Variants in ZNF804A observed in about 807,000 individuals in gnomAD.
The protein encoded by ZNF804A is zinc finger protein 804A.
In ZNF804A, 2 loss-of-function variants were observed where a neutral mutation model predicts 16.5. The ratio of observed to expected loss-of-function variants is 0.12; its 90% CI spans 0.05 to 0.38. The LOEUF (loss-of-function observed/expected upper bound fraction) is 0.38. ZNF804A is among the 10% of genes least tolerant of loss of function. The probability of loss-of-function intolerance (pLI) is 0.99; values close to 1 mark genes in which losing one functional copy is unlikely to be tolerated. For synonymous variants in ZNF804A, 534 were observed against 489.6 expected (o/e 1.09, Z -1.20); for missense variants, 1,473 against 1,390.7 (o/e 1.06, Z -0.94).
At chr2:184,866,658 T>G in intron 2 of ZNF804A, 146 bp downstream of exon 2, 1 of 703,124 alleles carries the variant, frequency 1.4e-6, no homozygotes, top group East Asian at 3.5e-5. Flanking sequence ...GATGATAATT[T>G]GATGACTTAC....
At chr2:184,819,591 G>A (rs542059148) in intron 1 of ZNF804A, among the ~76,000 whole-genome samples, 3 of 151,864 alleles carry the variant, frequency 2.0e-5, no homozygotes, top group African/African-American at 7.2e-5. Flanking sequence ...GGAGGAGATG[G>A]AGACACGAAG....
chr2:184,650,526 C>A (rs1335476199), intron 1 of ZNF804A, among the ~76,000 whole-genome samples: 1 of 152,034 alleles, frequency 6.6e-6, no homozygotes, highest in Non-Finnish European at 1.5e-5. Context: ...AGCTGTCTCA[C>A]TTCACGGATG....
chr2:184,608,075 A>G (rs1037441750), intron 1 of ZNF804A, among the ~76,000 whole-genome samples: 1 of 147,484 alleles, frequency 6.8e-6, no homozygotes, highest in Admixed American at 6.8e-5. Context: ...CCTCCCAAGT[A>G]GCTGGGACTA....
chr2:184,775,522 C>T (rs992764637), intron 1 of ZNF804A, among the ~76,000 whole-genome samples: 13 of 151,632 alleles, frequency 8.6e-5, no homozygotes, highest in East Asian at 3.9e-4. Flanking sequence ...GAGAAAACAG[C>T]GCTATCTTAC....
chr2:184,752,978 G>T (rs1314963598), intron 1 of ZNF804A, among the ~76,000 whole-genome samples: 1 of 151,236 alleles, frequency 6.6e-6, no homozygotes, highest in Non-Finnish European at 1.5e-5. Flanking sequence ...GTGAAAATCG[G>T]GGAAAAGGGT....
chr2:184,646,289 A>G (rs1324561160), intron 1 of ZNF804A, among the ~76,000 whole-genome samples: 1 of 152,188 alleles, frequency 6.6e-6, no homozygotes, highest in African/African-American at 2.4e-5. Flanking sequence ...CTGGGGCAGG[A>G]AGAGTGCTAC....
intron 2 of ZNF804A, among the ~76,000 whole-genome samples, chr2:184,920,649 T>A (rs1478619698): frequency 6.6e-6 from 1 of 152,078 alleles, no homozygotes; most frequent in Non-Finnish European, 1.5e-5. Context: ...CTTAGCAGAA[T>A]GGAGAGAGAG....
intron 1 of ZNF804A, among the ~76,000 whole-genome samples, chr2:184,772,992 G>T (rs200278842): frequency 6.9e-6 from 1 of 144,162 alleles, no homozygotes; most frequent in South Asian, 2.2e-4. Flanking sequence ...TGTGTGTGTG[G>T]GGTGTGTGTG....
chr2:184,634,645 T>G (rs556852994), intron 1 of ZNF804A, among the ~76,000 whole-genome samples: 49 of 152,216 alleles, frequency 3.2e-4, no homozygotes, highest in Middle Eastern at 6.8e-3. Context: ...AACATTGCAG[T>G]TGGCCTCTAG....
At chr2:184,793,712 C>A (rs369346577) in intron 1 of ZNF804A, among the ~76,000 whole-genome samples, 1 of 152,078 alleles carries the variant, frequency 6.6e-6, no homozygotes, top group South Asian at 2.1e-4. Flanking sequence ...TCTCTTCTTC[C>A]TCACCACCTT....
intron 1 of ZNF804A, among the ~76,000 whole-genome samples, chr2:184,800,032 A>G (rs1283446177): frequency 6.6e-6 from 1 of 151,854 alleles, no homozygotes; most frequent in Non-Finnish European, 1.5e-5. Flanking sequence ...TGTGTCTTTC[A>G]AGGTATTGTT....
At chr2:184,739,643 C>T (rs1239238124) in intron 1 of ZNF804A, among the ~76,000 whole-genome samples, 2 of 152,156 alleles carry the variant, frequency 1.3e-5, no homozygotes, top group African/African-American at 4.8e-5. Flanking sequence ...CCTCCAGCCT[C>T]GGCCTCCCAA....
intron 2 of ZNF804A, among the ~76,000 whole-genome samples, chr2:184,910,377 A>G (rs557787382): frequency 5.9e-5 from 9 of 152,066 alleles, no homozygotes; most frequent in Admixed American, 1.3e-4. Context: ...TTCACTGTTG[A>G]TGGACAAATA....
intron 2 of ZNF804A, among the ~76,000 whole-genome samples, chr2:184,884,868 G>A (rs111895921): frequency 6.6e-6 from 1 of 152,086 alleles, no homozygotes; most frequent in African/African-American, 2.4e-5. Flanking sequence ...TTAAATGAAA[G>A]AGCTTTGTAC....
rs1413483927 is a variant in ZNF804A, at chr2:184,937,054, G to T, written c.1658G>T (p.Cys553Phe). ...NTGQRYKNIS[C>F]KIRETEKYNF... Reference sequence around the variant, plus strand: ...GGTCAGAGGTATAAAAACATTTCCTGTAAGATCAGAGAAACAGAAAAGTAT... The same window carrying T: ...GGTCAGAGGTATAAAAACATTTCCTTTAAGATCAGAGAAACAGAAAAGTAT... Residue 553 changes from cysteine to phenylalanine, a missense_variant, in exon 4 of 4, where the codon TGT becomes TTT. Coordinates refer to ENST00000302277, the MANE Select transcript of ZNF804A (RefSeq NM_194250.2). 6.2e-7 allele frequency: 1 copy of T among 1,606,776 alleles called. No homozygotes were observed. Among genetic ancestry groups the T allele is most frequent in the East Asian group, 2.2e-5 (1 of 44,760 alleles).
chr2:184,630,609 A>T (rs181009897), intron 1 of ZNF804A, among the ~76,000 whole-genome samples: 4 of 152,270 alleles, frequency 2.6e-5, no homozygotes, highest in African/African-American at 9.6e-5. Context: ...TAAAATTCTA[A>T]GGGTAAAAAA....
chr2:184,730,737 T>C (rs1441192891), intron 1 of ZNF804A, among the ~76,000 whole-genome samples: 1 of 152,140 alleles, frequency 6.6e-6, no homozygotes, highest in Non-Finnish European at 1.5e-5. Flanking sequence ...TAATATTCCA[T>C]TGTCTGGATG....
At chr2:184,641,084 A>G (rs918241566) in intron 1 of ZNF804A, among the ~76,000 whole-genome samples, 1 of 152,078 alleles carries the variant, frequency 6.6e-6, no homozygotes, top group Non-Finnish European at 1.5e-5. Flanking sequence ...CCTCCTGAGT[A>G]GCTGGGATTA....
At chr2:184,720,029 A>G (rs1285114823) in intron 1 of ZNF804A, among the ~76,000 whole-genome samples, 1 of 152,218 alleles carries the variant, frequency 6.6e-6, no homozygotes, top group Non-Finnish European at 1.5e-5. Flanking sequence ...TTGGACTTAC[A>G]GTTCCACATG....
Sources: gnomAD v4.1 joint callset for allele counts (sites outside exome capture counted in the v4.1 genomes callset) on GRCh38, gnomAD v4.1.1 for gene constraint, MANE v1.5 for transcripts, NCBI Gene and HGNC (gene_info 2026-07-23, HGNC 2026-07-21) for gene names.